Variants in ZC3H12B observed in about 807,000 individuals in gnomAD.
ZC3H12B encodes zinc finger CCCH-type containing 12B.
In ZC3H12B, 7 loss-of-function variants were observed where a neutral mutation model predicts 43.9. The observed-to-expected ratio is 0.16, with a 90% CI of 0.09 to 0.30. The LOEUF (loss-of-function observed/expected upper bound fraction) is 0.30. Ranked by LOEUF, ZC3H12B falls within the 10% of genes least tolerant of loss-of-function variation. The probability of loss-of-function intolerance (pLI) is 1.00; values close to 1 mark genes in which losing one functional copy is unlikely to be tolerated. For synonymous variants in ZC3H12B, 222 were observed against 241.7 expected (o/e 0.92, Z 0.76); for missense variants, 475 against 670.2 (o/e 0.71, Z 3.22).
chrX:65,456,188 G>T (rs1479692006), intron 3 of ZC3H12B, among the ~76,000 whole-genome samples: 2 of 111,074 alleles, frequency 1.8e-5, no homozygotes, highest in Non-Finnish European at 3.8e-5. Context: ...CTGGCAAACT[G>T]GATAAAGAGT....
the ZC3H12B span, among the ~76,000 whole-genome samples, chrX:65,211,074 A>G: frequency 1.2e-5 from 1 of 85,184 alleles, no homozygotes; most frequent in South Asian, 4.5e-4. Context: ...GTATAATAAA[A>G]AAAAAAAAAG....
the ZC3H12B span, among the ~76,000 whole-genome samples, chrX:65,103,900 C>G: frequency 1.8e-5 from 2 of 111,496 alleles, no homozygotes; most frequent in Admixed American, 1.9e-4. Flanking sequence ...ACTTTCTTCA[C>G]AGAATTAGAA....
At chrX:65,483,062 A>G (rs1293339288) in intron 3 of ZC3H12B, among the ~76,000 whole-genome samples, 1 of 112,217 alleles carries the variant, frequency 8.9e-6, no homozygotes, top group African/African-American at 3.2e-5. Flanking sequence ...AGTTGTTTTT[A>G]GCTCTGATTG....
chrX:65,383,668 C>G (rs2066477301), intron 2 of ZC3H12B, among the ~76,000 whole-genome samples: 1 of 110,592 alleles, frequency 9.0e-6, no homozygotes, highest in African/African-American at 3.3e-5. Flanking sequence ...GAACAGGCCA[C>G]CTACAAAATG....
the ZC3H12B span, among the ~76,000 whole-genome samples, chrX:65,344,390 A>C: frequency 8.9e-6 from 1 of 111,943 alleles, no homozygotes; most frequent in Non-Finnish European, 1.9e-5. Context: ...CCAATGGAAC[A>C]GAATGGAGAT....
the ZC3H12B span, among the ~76,000 whole-genome samples, chrX:65,237,608 G>A: frequency 1.3e-4 from 14 of 109,272 alleles, no homozygotes; most frequent in African/African-American, 4.4e-4. Flanking sequence ...TATCGAATAC[G>A]AGTTGTGAGA....
chrX:65,358,030 A>C, the ZC3H12B span, among the ~76,000 whole-genome samples: 1 of 110,761 alleles, frequency 9.0e-6, no homozygotes, highest in Non-Finnish European at 1.9e-5. Flanking sequence ...AAAAAAAAAA[A>C]AACAGCCCTT....
the ZC3H12B span, among the ~76,000 whole-genome samples, chrX:65,211,128 A>C: frequency 1.9e-5 from 2 of 104,020 alleles, no homozygotes; most frequent in Non-Finnish European, 3.9e-5. Context: ...GTGTCTGTTC[A>C]TATCCTTTGC....
chrX:65,035,042 C>T, the ZC3H12B span, among the ~76,000 whole-genome samples: 15 of 112,552 alleles, frequency 1.3e-4, no homozygotes, highest in South Asian at 5.5e-3. Context: ...CCCATCGCCT[C>T]CCCTCGTCCC....
At chrX:65,218,656 C>T in the ZC3H12B span, among the ~76,000 whole-genome samples, 7 of 110,777 alleles carry the variant, frequency 6.3e-5, no homozygotes, top group South Asian at 3.9e-4. Context: ...CCACAGCAGC[C>T]GCAACAAGCC....
intron 3 of ZC3H12B, among the ~76,000 whole-genome samples, chrX:65,410,446 A>C: frequency 8.9e-6 from 1 of 111,928 alleles, no homozygotes; most frequent in Admixed American, 9.5e-5. Context: ...CAGGCAACCA[A>C]AGCAAAAATA....
exon 5 of ZC3H12B, chrX:65,501,977 G>A: frequency 8.3e-7 from 1 of 1,210,222 alleles, no homozygotes; most frequent in Non-Finnish European, 1.1e-6. Context: ...AACCTCAGAG[G>A]TCAAACGTGT....
the ZC3H12B span, among the ~76,000 whole-genome samples, chrX:65,060,489 C>T: frequency 1.1e-4 from 12 of 111,964 alleles, no homozygotes; most frequent in East Asian, 5.6e-4. Context: ...TCTGTTGATA[C>T]GATGTATTGC....
intron 3 of ZC3H12B, chrX:65,408,710 T>G: frequency 1.3e-6 from 1 of 748,175 alleles, no homozygotes; most frequent in Non-Finnish European, 2.0e-6. Flanking sequence ...ACTCTTACAG[T>G]GCTGCAAAGT....
chrX:65,269,486 A>G, the ZC3H12B span, among the ~76,000 whole-genome samples: 21 of 110,825 alleles, frequency 1.9e-4, no homozygotes, highest in Non-Finnish European at 3.8e-4. Context: ...TAAAATACTG[A>G]GGAATAAATT....
rs187168887 is a variant in ZC3H12B, at chrX:65,419,941, C to T, written n.407+21237C>T. ...CATTCTACCAGATACAAATTTCAGA[C>T]TTATACCCCTGCATACTATGGTACC... is the stretch of plus-strand genomic sequence containing the variant. On this transcript the variant is annotated intron_variant and non_coding_transcript_variant, in intron 3 of 5. Coordinates refer to the ZC3H12B transcript ENST00000617377. 4.2e-4 allele frequency among the ~76,000 whole-genome samples: 46 copies of T among 110,760 alleles called. 1 individual carries two copies. In the East Asian group the frequency reaches 8.1e-3, roughly 19 times the overall value.
the ZC3H12B span, among the ~76,000 whole-genome samples, chrX:65,153,033 T>A: frequency 8.9e-6 from 1 of 111,918 alleles, no homozygotes; most frequent in African/African-American, 3.2e-5. Flanking sequence ...TAGCCATATG[T>A]AGAAAGCTGA....
At chrX:65,282,458 A>G in the ZC3H12B span, among the ~76,000 whole-genome samples, 1 of 112,030 alleles carries the variant, frequency 8.9e-6, no homozygotes, top group Non-Finnish European at 1.9e-5. Flanking sequence ...AATAAAAGGC[A>G]TCTAAGTCAA....
the ZC3H12B span, among the ~76,000 whole-genome samples, chrX:65,123,254 C>T: frequency 9.0e-6 from 1 of 111,664 alleles, no homozygotes; most frequent in South Asian, 3.8e-4. Context: ...GTTGAACCAG[C>T]CTTGCATCCC....
Sources: gnomAD v4.1 joint callset for allele counts (sites outside exome capture counted in the v4.1 genomes callset) on GRCh38, gnomAD v4.1.1 for gene constraint, MANE v1.5 for transcripts, NCBI Gene and HGNC (gene_info 2026-07-23, HGNC 2026-07-21) for gene names.